CYP39A1: variants seen among roughly 807,000 people sequenced by gnomAD.
CYP39A1 encodes 24-hydroxycholesterol 7-alpha-hydroxylase.
In CYP39A1, 49 loss-of-function variants were observed where a neutral mutation model predicts 58.1. The observed-to-expected ratio is 0.84, with a 90% CI of 0.67 to 1.07. The LOEUF (loss-of-function observed/expected upper bound fraction) is 1.07, where lower values mean the gene tolerates loss of function less well. Ranked by LOEUF, CYP39A1 falls within the 50% of genes least tolerant of loss-of-function variation. The pLI is 0.00. For synonymous variants in CYP39A1, 209 were observed against 187.6 expected (o/e 1.11, Z -0.93); for missense variants, 531 against 539.4 (o/e 0.98, Z 0.16).
At chr6:46,588,293 T>C (rs964488876) in intron 8 of CYP39A1, among the ~76,000 whole-genome samples, 164 bp from the exon 9 acceptor site, 19 of 149,054 alleles carry the variant, frequency 1.3e-4, no homozygotes, top group Non-Finnish European at 2.5e-4. Flanking sequence ...ATATAATATC[T>C]AATTATAAAT....
chr6:46,609,145 T>C (rs1168404504), intron 7 of CYP39A1, among the ~76,000 whole-genome samples: 2 of 152,020 alleles, frequency 1.3e-5, no homozygotes, highest in South Asian at 2.1e-4. Flanking sequence ...CTCACGCCTG[T>C]AATCCCAGCA....
At chr6:46,595,663 T>C (rs1330776500) in intron 8 of CYP39A1, among the ~76,000 whole-genome samples, 1 of 151,936 alleles carries the variant, frequency 6.6e-6, no homozygotes, top group African/African-American at 2.4e-5. Context: ...AGGAGTAAGT[T>C]CAAGAGGTCT....
chr6:46,641,512 T>C (rs1776335932), intron 2 of CYP39A1, among the ~76,000 whole-genome samples: 1 of 151,934 alleles, frequency 6.6e-6, no homozygotes, highest in Non-Finnish European at 1.5e-5. Context: ...AGCAAAAACA[T>C]TGTGAAAGCA....
intron 7 of CYP39A1, among the ~76,000 whole-genome samples, chr6:46,602,539 G>T (rs935756967): frequency 2.0e-5 from 3 of 151,874 alleles, no homozygotes; most frequent in African/African-American, 2.4e-5. Flanking sequence ...TGGACTGGGC[G>T]TGGTAGCTCA....
intron 7 of CYP39A1, among the ~76,000 whole-genome samples, chr6:46,602,924 G>GGT (rs1554161686): frequency 7.0e-4 from 2 of 2,848 alleles, no homozygotes; most frequent in East Asian, 0.083. Context: ...AATATAAAAT[G>GGT]GGGGGGGGGA....
chr6:46,625,142 G>A (rs9463231), intron 7 of CYP39A1, among the ~76,000 whole-genome samples: 28,931 of 151,776 alleles, frequency 0.19, 2,939 homozygotes, highest in African/African-American at 0.27. Context: ...AGAACAAACA[G>A]GTGTATATAT....
At chr6:46,643,175 A>T (rs960644619) in intron 1 of CYP39A1, among the ~76,000 whole-genome samples, 4 of 152,188 alleles carry the variant, frequency 2.6e-5, no homozygotes, top group African/African-American at 7.2e-5. Context: ...CATCATTTTT[A>T]TTGGCGTCTA....
At chr6:46,585,096 T>C (rs554904007) in intron 10 of CYP39A1, among the ~76,000 whole-genome samples, 1 of 152,108 alleles carries the variant, frequency 6.6e-6, no homozygotes, top group East Asian at 1.9e-4. Flanking sequence ...AGCATCATGG[T>C]TCCCTTTATT....
intron 8 of CYP39A1, among the ~76,000 whole-genome samples, chr6:46,595,129 G>A (rs533026837): frequency 6.6e-6 from 1 of 152,020 alleles, no homozygotes; most frequent in East Asian, 1.9e-4. Flanking sequence ...CCTTGCTCCT[G>A]TAGAATGGCT....
intron 10 of CYP39A1, among the ~76,000 whole-genome samples, chr6:46,574,301 A>T (rs2150497073): frequency 6.6e-6 from 1 of 152,324 alleles, no homozygotes; most frequent in African/African-American, 2.4e-5. Context: ...TGCTTAAAAC[A>T]TCTGCCAATA....
intron 8 of CYP39A1, among the ~76,000 whole-genome samples, chr6:46,591,283 C>T (rs1772816788): frequency 1.3e-5 from 2 of 151,986 alleles, no homozygotes; most frequent in South Asian, 4.1e-4. Context: ...ACCTATGTGA[C>T]ACTCATTCTT....
intron 7 of CYP39A1, 151 bp from the exon 8 acceptor site, chr6:46,596,271 C>A: frequency 1.8e-6 from 1 of 546,624 alleles, no homozygotes; most frequent in Non-Finnish European, 3.1e-6. Context: ...TCATTAATTG[C>A]CTCTTTTTCT....
chr6:46,621,825 C>T (rs966191955), intron 7 of CYP39A1, among the ~76,000 whole-genome samples: 3 of 151,838 alleles, frequency 2.0e-5, no homozygotes. Flanking sequence ...ATCTTGATAC[C>T]AAAACCAGAC....
chr6:46,633,160 G>A (rs1334058168), intron 5 of CYP39A1, among the ~76,000 whole-genome samples: 1 of 152,128 alleles, frequency 6.6e-6, no homozygotes, highest in African/African-American at 2.4e-5. Context: ...GTTAGCTAAT[G>A]TGTTATTACT....
At chr6:46,580,343 C>T (rs770108979) in intron 10 of CYP39A1, among the ~76,000 whole-genome samples, 10 of 152,196 alleles carry the variant, frequency 6.6e-5, no homozygotes, top group Non-Finnish European at 1.3e-4. Flanking sequence ...TCACTGTATA[C>T]AAAAATCAAC....
At chr6:46,631,198 T>C in intron 5 of CYP39A1, 128 bp from the exon 6 acceptor site, 2 of 744,962 alleles carry the variant, frequency 2.7e-6, no homozygotes, top group South Asian at 3.5e-5. Context: ...GTTTTGCAGT[T>C]TGAGGCATGT....
chr6:46,648,852 T>C lies in CYP39A1; in HGVS notation c.177+3554A>G, dbSNP rs192193328. Among the ~76,000 whole-genome samples, 4 of 152,176 alleles carry C rather than the reference T, an allele frequency of 2.6e-5. No homozygotes were observed. In the East Asian group the frequency reaches 5.8e-4, roughly 22 times the overall value. On this transcript the variant is annotated intron_variant, in intron 1 of 11. Coordinates refer to ENST00000275016, the MANE Select transcript of CYP39A1 (RefSeq NM_016593.5). ...ATAATGTTTCCATTGTGTCAACAAA[T>C]AGATACTTGTAGATAGCTGCAGATT... is the stretch of plus-strand genomic sequence containing the variant.
intron 7 of CYP39A1, among the ~76,000 whole-genome samples, chr6:46,608,574 C>T (rs1000173815): frequency 2.0e-5 from 3 of 151,880 alleles, no homozygotes; most frequent in Non-Finnish European, 4.4e-5. Context: ...GTGATAATAT[C>T]TGAAGTAGAT....
At chr6:46,599,452 T>C (rs1447542160) in intron 7 of CYP39A1, among the ~76,000 whole-genome samples, 2 of 152,130 alleles carry the variant, frequency 1.3e-5, no homozygotes, top group Non-Finnish European at 2.9e-5. Context: ...ACTAGGTCAA[T>C]CAACTGTAGA....
Sources: allele counts gnomAD v4.1 joint callset (sites outside exome capture counted in the v4.1 genomes callset), GRCh38; gene constraint gnomAD v4.1.1; transcripts MANE v1.5; gene names NCBI Gene and HGNC (gene_info 2026-07-23, HGNC 2026-07-21).